RP1: variants seen among roughly 807,000 people sequenced by gnomAD.
The protein encoded by RP1 is oxygen-regulated protein 1.
In RP1, 16 loss-of-function variants were observed where a neutral mutation model predicts 14.8. That is an observed-to-expected ratio of 1.08 (90% CI 0.73 to 1.65). RP1 has a LOEUF of 1.65. Ranked by LOEUF, RP1 falls within the 40% of genes most tolerant of loss-of-function variation. The pLI, the probability that RP1 is intolerant of heterozygous loss-of-function variation, is 0.00. For synonymous variants in RP1, 876 were observed against 883.6 expected, an observed-to-expected ratio of 0.99 and a Z score of 0.15; for missense variants, 2,631 against 2,535.0, an observed-to-expected ratio of 1.04 and a Z score of -0.81.
At chr8:54,605,685 C>T (rs545537863) in intron 1 of RP1, among the ~76,000 whole-genome samples, 80 of 152,180 alleles carry the variant, frequency 5.3e-4, no homozygotes, top group African/African-American at 1.9e-3. Flanking sequence ...AGTCTCTTTG[C>T]AGGTCTCTAA....
downstream of RP1, among the ~76,000 whole-genome samples, chr8:54,633,887 C>T (rs1250873133): frequency 7.2e-5 from 11 of 151,922 alleles, 1 homozygote; most frequent in East Asian, 1.4e-3. Context: ...TTAGTCCTCA[C>T]GAGAACCCTC....
At chr8:54,818,473 C>T (rs1811184594) in intron 24 of RP1, among the ~76,000 whole-genome samples, 1 of 152,168 alleles carries the variant, frequency 6.6e-6, no homozygotes, top group Non-Finnish European at 1.5e-5. Context: ...GCAGCTATAT[C>T]AAAACAAACA....
chr8:54,858,550 G>A (rs1471806744), intron 27 of RP1, among the ~76,000 whole-genome samples: 1 of 152,138 alleles, frequency 6.6e-6, no homozygotes, highest in Non-Finnish European at 1.5e-5. Context: ...GTAGAGTGAT[G>A]TTGCTGTAGA....
intron 7 of RP1, among the ~76,000 whole-genome samples, chr8:54,667,251 G>A (rs1158334121): frequency 6.6e-6 from 1 of 152,116 alleles, no homozygotes; most frequent in African/African-American, 2.4e-5. Context: ...TTACAAATAG[G>A]AAGACTGCAG....
At chr8:54,800,376 T>C (rs1810676492) in intron 24 of RP1, among the ~76,000 whole-genome samples, 1 of 151,918 alleles carries the variant, frequency 6.6e-6, no homozygotes, top group South Asian at 2.1e-4. Flanking sequence ...GTTGGTGAGC[T>C]TCTTAGATCT....
chr8:54,767,361 CTTTT>C (rs951988214), intron 22 of RP1, among the ~76,000 whole-genome samples: 1 of 138,520 alleles, frequency 7.2e-6, no homozygotes, highest in Non-Finnish European at 1.6e-5. Flanking sequence ...AGTCTGTATT[CTTTT>C]TTTTTTTTTT....
chr8:54,787,935 C>T (rs117150872), intron 24 of RP1, among the ~76,000 whole-genome samples: 2,681 of 152,228 alleles, frequency 0.018, 43 homozygotes, highest in Non-Finnish European at 0.028. Flanking sequence ...CTTTAATTTC[C>T]TCCTTTGTAA....
intron 1 of RP1, among the ~76,000 whole-genome samples, chr8:54,605,000 C>T (rs1805392801): frequency 6.6e-6 from 1 of 152,094 alleles, no homozygotes; most frequent in African/African-American, 2.4e-5. Context: ...CTCCTGGATT[C>T]ATTGATTTTT....
At chr8:54,640,246 A>G (rs2129322201) in intron 3 of RP1, among the ~76,000 whole-genome samples, 1 of 152,180 alleles carries the variant, frequency 6.6e-6, no homozygotes, top group Non-Finnish European at 1.5e-5. Flanking sequence ...TTTAGAAAGG[A>G]TAGTCTTTTG....
chr8:54,646,971 A>G (rs1806563574), intron 3 of RP1, among the ~76,000 whole-genome samples: 1 of 152,184 alleles, frequency 6.6e-6, no homozygotes, highest in Non-Finnish European at 1.5e-5. Flanking sequence ...ATTTTCTGTC[A>G]CTGTTAAAGA....
intron 24 of RP1, among the ~76,000 whole-genome samples, chr8:54,825,845 T>C (rs1484192138): frequency 6.6e-6 from 1 of 151,752 alleles, no homozygotes; most frequent in African/African-American, 2.4e-5. Context: ...GAGCAGAGGA[T>C]GAATGCTTGA....
At position 54,591,487 on chromosome 8, in the gene RP1, C is replaced by CAG. The variant is rs531035847; in HGVS notation, c.-12-29463_-12-29462dup. Among the ~76,000 whole-genome samples, 11 of 152,228 alleles carry CAG rather than the reference C, an allele frequency of 7.2e-5. No homozygotes were observed. The South Asian group carries it at 2.3e-3, about 32-fold the overall frequency. On this transcript the variant is annotated intron_variant, in intron 1 of 22. Transcript: ENST00000636932. ...AGTTTTACCTTAAATGTCCCCTTCT[C>CAG]AGAGAGGACTTCCCTGACAAACTGA...
chr8:54,817,393 G>A (rs1221178411), intron 24 of RP1, among the ~76,000 whole-genome samples: 1 of 152,132 alleles, frequency 6.6e-6, no homozygotes, highest in Non-Finnish European at 1.5e-5. Flanking sequence ...TTGGAAAGGT[G>A]GAGGGGAGAC....
chr8:54,613,582 A>T (rs1269238157), upstream of RP1, among the ~76,000 whole-genome samples: 1 of 152,196 alleles, frequency 6.6e-6, no homozygotes, highest in Non-Finnish European at 1.5e-5. Context: ...ATGTATAGAG[A>T]GTATATTTAT....
chr8:54,827,496 T>A (rs1253368727), intron 24 of RP1, among the ~76,000 whole-genome samples: 1 of 152,086 alleles, frequency 6.6e-6, no homozygotes, highest in African/African-American at 2.4e-5. Context: ...GCCAGGCTGA[T>A]TTTTAAATGT....
chr8:54,696,996 A>G, intron 12 of RP1: 1 of 1,407,690 alleles, frequency 7.1e-7, no homozygotes, highest in Non-Finnish European at 9.9e-7. Flanking sequence ...AATCATTTCC[A>G]GGAGATCTCA....
chr8:54,820,422 A>T (rs1173858765), intron 24 of RP1, among the ~76,000 whole-genome samples: 1 of 152,102 alleles, frequency 6.6e-6, no homozygotes, highest in Non-Finnish European at 1.5e-5. Flanking sequence ...AGACTGCTTT[A>T]GTCTGCTGGT....
At chr8:54,638,819 T>G (rs1224735934) in intron 3 of RP1, among the ~76,000 whole-genome samples, 1 of 152,190 alleles carries the variant, frequency 6.6e-6, no homozygotes, top group Non-Finnish European at 1.5e-5. Context: ...TTAAAATTTC[T>G]ATTATGAATA....
chr8:54,861,814 G>C (rs917168487), intron 27 of RP1, among the ~76,000 whole-genome samples: 15 of 152,222 alleles, frequency 9.9e-5, no homozygotes, highest in African/African-American at 3.6e-4. Flanking sequence ...ATGTTGGCCA[G>C]GCTGGTCTCA....
Sources: allele counts gnomAD v4.1 joint callset (sites outside exome capture counted in the v4.1 genomes callset), GRCh38; gene constraint gnomAD v4.1.1; transcripts MANE v1.5; gene names NCBI Gene and HGNC (gene_info 2026-07-23, HGNC 2026-07-21).